The following ATXN10 variants were observed in gnomAD, a reference collection of about 807,000 sequenced individuals.
ATXN10 encodes the protein ataxin 10, also known as ataxin-10.
ATXN10 carries 28 observed loss-of-function variants against 52.9 expected under a neutral mutation model. The observed-to-expected ratio is 0.53, with a 90% CI of 0.39 to 0.73. The LOEUF is 0.73. ATXN10 is among the 30% of genes least tolerant of loss of function. The pLI is 0.00. For synonymous variants in ATXN10, 226 were observed against 221.5 expected, an observed-to-expected ratio of 1.02 and a Z score of -0.18; for missense variants, 565 against 577.0, an observed-to-expected ratio of 0.98 and a Z score of 0.21.
At chr22:45,738,588 A>C (rs941646503) in intron 7 of ATXN10, 143 bp from the exon 8 acceptor site, 2 of 698,802 alleles carry the variant, frequency 2.9e-6, no homozygotes, top group Non-Finnish European at 4.8e-6. Flanking sequence ...TTTGTTCTTC[A>C]TAGTTTTGTT....
chr22:45,768,130 T>C (rs1479062292), intron 9 of ATXN10, among the ~76,000 whole-genome samples: 1 of 152,220 alleles, frequency 6.6e-6, no homozygotes, highest in Non-Finnish European at 1.5e-5. Context: ...TTCCTACCCT[T>C]ATTCACTGAA....
In ATXN10 at chr22:45,727,816, G is replaced by A. The variant is rs575235961; in HGVS notation, c.729-1609G>A. ...GATTATAATATCTTCCTGTTGGATC[G>A]ATCCTTTTATCATCATATAATGACC... is the stretch of plus-strand genomic sequence containing the variant. On this transcript the variant is annotated intron_variant, in intron 6 of 11. Coordinates refer to ENST00000252934, the MANE Select transcript of ATXN10 (RefSeq NM_013236.4). This position sits in a 1 kb window ranked among gnomAD's most constrained non-coding sequence, Gnocchi z 4.6. Among the ~76,000 whole-genome samples, 10 of 152,162 alleles carry A rather than the reference G, an allele frequency of 6.6e-5. No homozygotes were observed. The highest frequency in any genetic ancestry group is 3.3e-4 in the Admixed American group (5 of 15,294).
intron 9 of ATXN10, among the ~76,000 whole-genome samples, chr22:45,768,810 A>T (rs1926675909): frequency 6.6e-6 from 1 of 152,218 alleles, no homozygotes; most frequent in Non-Finnish European, 1.5e-5. Flanking sequence ...TGTAAAGGAC[A>T]TTTTTGAGAT....
rs1927223506 is a variant in ATXN10 at position 45,783,581 on chromosome 22, C to A, written c.1174-23378C>A. ...TTCCTGCAGCCCTTCGTGTTTCCCT[C>A]CAGTGCTGGATGTGAATGGTGCTTT... On this transcript the variant is annotated intron_variant, in intron 9 of 11. Transcript: ENST00000252934. This position sits in a 1 kb window ranked among gnomAD's most constrained non-coding sequence, Gnocchi z 5.0. Among the ~76,000 whole-genome samples the A allele has an allele frequency of 6.6e-6, 1 of 152,176 alleles. No individual in the cohort carries two copies. The highest frequency in any genetic ancestry group is 2.4e-5 in the African/African-American group (1 of 41,440).
chr22:45,743,612 C>G (rs1925620899), intron 9 of ATXN10, among the ~76,000 whole-genome samples: 1 of 152,214 alleles, frequency 6.6e-6, no homozygotes, highest in South Asian at 2.1e-4. Context: ...GGCTCTGTCT[C>G]TGCTCCAAGA....
At chr22:45,711,574 G>T (rs1166413004) in intron 5 of ATXN10, among the ~76,000 whole-genome samples, 2 of 152,112 alleles carry the variant, frequency 1.3e-5, no homozygotes, top group African/African-American at 4.8e-5. Flanking sequence ...TCAGCATCTG[G>T]GTTGTCACAT....
chr22:45,678,555 T>C lies in ATXN10; in HGVS notation c.116+6376T>C, dbSNP rs1922792751. 1 of 152,202 alleles carries C rather than the reference T, an allele frequency of 6.6e-6. No homozygotes were observed. The highest frequency in any genetic ancestry group is 2.4e-5 in the African/African-American group (1 of 41,456). The allele number at this position is 152,202 out of a possible 1,614,324, so 9.4% of individuals were successfully genotyped here. A position where few individuals can be genotyped will look rare whatever the true frequency, so the allele number is the denominator to read the frequency against. On this transcript the variant is annotated intron_variant, in intron 1 of 11. Transcript: ENST00000252934. This position sits in a 1 kb window ranked among gnomAD's most constrained non-coding sequence, Gnocchi z 4.1. ...TTTTTGTTTCATAATAAAATAGCCT[T>C]TTATGTATCTTTTTCCCTACTCAGT...
chr22:45,706,270 ATTTTAGTAATTTGAGTCTTCTCT>A (rs1277494529), intron 5 of ATXN10, among the ~76,000 whole-genome samples: 14 of 152,188 alleles, frequency 9.2e-5, no homozygotes, highest in Non-Finnish European at 2.1e-4. Context: ...TTCATTCCTG[ATTTTAGTAATTTGAGTCTTCTCT>A]TTTTTCTTGT....
intron 6 of ATXN10, among the ~76,000 whole-genome samples, chr22:45,719,538 C>A (rs1357695191): frequency 6.7e-6 from 1 of 150,136 alleles, no homozygotes; most frequent in Non-Finnish European, 1.5e-5. Context: ...ATACGACATA[C>A]AGTGCTAAAA....
chr22:45,785,493 A>T (rs1345364235), intron 9 of ATXN10, among the ~76,000 whole-genome samples: 1 of 152,224 alleles, frequency 6.6e-6, no homozygotes, highest in Non-Finnish European at 1.5e-5. Flanking sequence ...AGTACAAATA[A>T]AAGATGATAT....
chr22:45,820,331 A>G lies in ATXN10; in HGVS notation c.1237+13309A>G, dbSNP rs1429421119. On this transcript the variant is annotated intron_variant, in intron 10 of 11. Coordinates refer to ENST00000252934, the MANE Select transcript of ATXN10 (RefSeq NM_013236.4). The surrounding 1 kb of genome is among the most constrained non-coding windows in gnomAD (Gnocchi z 4.9). ...CTAGTTGGAGAAACAGGCCATTGTG[A>G]TAATACAGGACAGAACGCTAAGGGG... Among the ~76,000 whole-genome samples the G allele has an allele frequency of 2.0e-5, 3 of 152,230 alleles. No homozygotes were observed. The highest frequency in any genetic ancestry group is 4.4e-5 in the Non-Finnish European group (3 of 68,044).
At chr22:45,814,008 G>A (rs1289137196) in intron 10 of ATXN10, among the ~76,000 whole-genome samples, 2 of 152,204 alleles carry the variant, frequency 1.3e-5, no homozygotes, top group Non-Finnish European at 2.9e-5. Context: ...AATGTCCATA[G>A]TGGGGAAAAC....
Position 45,671,964 on chromosome 22 carries a change from TCCTCCTCGCCATCCTACTCCTC to T in ATXN10, c.-91_-70del, listed in dbSNP as rs1172544546. 19 of 1,354,306 alleles carry T rather than the reference TCCTCCTCGCCATCCTACTCCTC, an allele frequency of 1.4e-5. No individual in the cohort carries two copies. Among genetic ancestry groups the T allele is most frequent in the Non-Finnish European group, 1.9e-5 (19 of 995,134 alleles). The allele number at this position is 1,354,306 out of a possible 1,614,324, so 83.9% of individuals were successfully genotyped here. On this transcript the variant is annotated 5_prime_UTR_variant, in exon 1 of 12. Transcript: ENST00000252934. The stretch of plus-strand genomic sequence containing the variant: ...GCTGTGTAGGGCGAGGCCTCCCCCT[TCCTCCTCGCCATCCTACTCCTC>T]CCTCCTCGTCATCCTCCCCCTTCGT...
chr22:45,829,749 C>T (rs563652192), intron 10 of ATXN10, among the ~76,000 whole-genome samples: 5 of 152,214 alleles, frequency 3.3e-5, no homozygotes, highest in South Asian at 2.1e-4. Context: ...GGGAACACAT[C>T]GCATGTTCAT....
At chr22:45,721,513 G>A (rs1380259927) in intron 6 of ATXN10, among the ~76,000 whole-genome samples, 3 of 152,188 alleles carry the variant, frequency 2.0e-5, no homozygotes, top group African/African-American at 7.2e-5. Flanking sequence ...TTTGGCATCA[G>A]AAAGAGTTCA....
At position 45,784,180 on chromosome 22, in the gene ATXN10, T is replaced by TA. The variant is rs1425693288; in HGVS notation, c.1174-22770dup. Among the ~76,000 whole-genome samples, 3 of 152,198 alleles carry TA rather than the reference T, an allele frequency of 2.0e-5. No homozygotes were observed. The highest frequency in any genetic ancestry group is 4.4e-5 in the Non-Finnish European group (3 of 68,034). ...CCTGCAATTTGTGTGGTACAATTTT[T>TA]AAAAAAAAATGTACATTTTTAAATT... On this transcript the variant is annotated intron_variant, in intron 9 of 11. Transcript: ENST00000252934. The surrounding 1 kb of genome is among the most constrained non-coding windows in gnomAD (Gnocchi z 4.2).
intron 9 of ATXN10, among the ~76,000 whole-genome samples, chr22:45,751,336 T>G (rs1314568219): frequency 6.6e-6 from 1 of 152,152 alleles, no homozygotes; most frequent in Admixed American, 6.6e-5. Context: ...TGAAAGATTT[T>G]TAAAAGTAAA....
At chr22:45,694,145 G>GT (rs1923494261) in intron 3 of ATXN10, among the ~76,000 whole-genome samples, 1 of 152,088 alleles carries the variant, frequency 6.6e-6, no homozygotes, top group Non-Finnish European at 1.5e-5. Context: ...GTTAACGGTT[G>GT]TTGACTTGGG....
intron 6 of ATXN10, among the ~76,000 whole-genome samples, chr22:45,726,547 C>G (rs1416054024): frequency 6.6e-6 from 1 of 152,158 alleles, no homozygotes. Context: ...TGAATTTTCT[C>G]TCTTCTTGGT....
Sources: allele counts gnomAD v4.1 joint callset (sites outside exome capture counted in the v4.1 genomes callset), GRCh38; gene constraint gnomAD v4.1.1; non-coding constraint Gnocchi (gnomAD v3.1); transcripts MANE v1.5; gene names NCBI Gene and HGNC (gene_info 2026-07-23, HGNC 2026-07-21).